The following CCSER1 variants were observed in gnomAD, a reference collection of about 807,000 sequenced individuals.
The protein encoded by CCSER1 is serine-rich coiled-coil domain-containing protein 1.
CCSER1 carries 41 observed loss-of-function variants against 82.0 expected under a neutral mutation model. That is an observed-to-expected ratio of 0.50 (90% CI 0.39 to 0.65). The LOEUF (loss-of-function observed/expected upper bound fraction) is 0.65. Ranked by LOEUF, CCSER1 falls within the 30% of genes least tolerant of loss-of-function variation. CCSER1 has a pLI of 0.00. For synonymous variants in CCSER1, 414 were observed against 383.9 expected (o/e 1.08, Z -0.92); for missense variants, 1,119 against 1,064.2 (o/e 1.05, Z -0.72).
intron 1 of CCSER1, among the ~76,000 whole-genome samples, chr4:90,131,169 TG>T (rs202165200): frequency 0.011 from 1,653 of 152,226 alleles, 37 homozygotes; most frequent in South Asian, 0.045. Flanking sequence ...AGCTAATTTT[TG>T]TATTTACTTT....
intron 10 of CCSER1, among the ~76,000 whole-genome samples, chr4:91,226,279 G>A (rs1362536283): frequency 6.6e-6 from 1 of 151,856 alleles, no homozygotes; most frequent in Non-Finnish European, 1.5e-5. Flanking sequence ...TAAAACATAT[G>A]GAAAGGTAGA....
chr4:90,932,980 A>AAGAAAGAGAGAGAGAGAGAGAGAG (rs1730218042), intron 9 of CCSER1, among the ~76,000 whole-genome samples: 1 of 21,940 alleles, frequency 4.6e-5, no homozygotes, highest in Non-Finnish European at 8.5e-5. Context: ...GAAAGAAAGA[A>AAGAAAGAGAGAGAGAGAGAGAGAG]AGAGAAAGAA....
intron 10 of CCSER1, among the ~76,000 whole-genome samples, chr4:91,266,939 A>T (rs1308427855): frequency 1.3e-5 from 2 of 152,138 alleles, no homozygotes; most frequent in African/African-American, 4.8e-5. Context: ...AATATTTTGC[A>T]TGCCTGATTC....
intron 1 of CCSER1, among the ~76,000 whole-genome samples, chr4:90,156,637 T>G (rs992688114): frequency 6.6e-5 from 10 of 152,212 alleles, no homozygotes; most frequent in Non-Finnish European, 1.5e-4. Context: ...ATGGCCTTCT[T>G]TATCTCTTTT....
intron 9 of CCSER1, among the ~76,000 whole-genome samples, chr4:90,974,411 T>C (rs1244749400): frequency 6.6e-6 from 1 of 151,030 alleles, no homozygotes; most frequent in Non-Finnish European, 1.5e-5. Context: ...GCAATTTTTA[T>C]TTTTTCAATT....
chr4:91,139,422 TA>T (rs1728812169), intron 10 of CCSER1, among the ~76,000 whole-genome samples: 1 of 152,108 alleles, frequency 6.6e-6, no homozygotes, highest in Non-Finnish European at 1.5e-5. Context: ...TCTCAATTTA[TA>T]AAAGAATCAT....
chr4:90,880,162 G>A (rs554964230), intron 8 of CCSER1, among the ~76,000 whole-genome samples: 1 of 152,210 alleles, frequency 6.6e-6, no homozygotes, highest in East Asian at 1.9e-4. Flanking sequence ...CTCCCATTGA[G>A]TGCTGGCTGT....
At chr4:90,284,379 A>T (rs1729450497) in intron 1 of CCSER1, among the ~76,000 whole-genome samples, 1 of 151,908 alleles carries the variant, frequency 6.6e-6, no homozygotes, top group African/African-American at 2.4e-5. Flanking sequence ...TGCTTTTGTG[A>T]TCTTACTCAA....
At chr4:90,698,731 A>C (rs1394751716) in intron 6 of CCSER1, among the ~76,000 whole-genome samples, 1 of 152,180 alleles carries the variant, frequency 6.6e-6, no homozygotes, top group African/African-American at 2.4e-5. Context: ...GACAATAGAC[A>C]GGTTAATAGG....
chr4:91,073,494 C>T (rs1369267809), intron 9 of CCSER1, among the ~76,000 whole-genome samples: 3 of 152,016 alleles, frequency 2.0e-5, no homozygotes, highest in Admixed American at 2.0e-4. Flanking sequence ...TGACACTCCT[C>T]GATATTATCA....
intron 10 of CCSER1, among the ~76,000 whole-genome samples, chr4:91,209,189 T>A (rs547757547): frequency 6.6e-6 from 1 of 152,100 alleles, no homozygotes; most frequent in African/African-American, 2.4e-5. Flanking sequence ...TTATTTCTCT[T>A]TGGGTGCCTT....
At chr4:90,405,549 G>A (rs998733342) in intron 4 of CCSER1, among the ~76,000 whole-genome samples, 17 of 152,126 alleles carry the variant, frequency 1.1e-4, no homozygotes, top group African/African-American at 3.6e-4. Flanking sequence ...CATGACCTAC[G>A]CACACAGTCA....
intron 6 of CCSER1, among the ~76,000 whole-genome samples, chr4:90,645,410 A>G (rs1727381950): frequency 6.6e-6 from 1 of 152,160 alleles, no homozygotes; most frequent in Non-Finnish European, 1.5e-5. Context: ...AAGCCAAACA[A>G]TTTTAATTCA....
chr4:90,322,747 C>G (rs760034617), intron 3 of CCSER1, among the ~76,000 whole-genome samples: 2 of 152,134 alleles, frequency 1.3e-5, no homozygotes, highest in Non-Finnish European at 2.9e-5. Context: ...GGCAAAGTCT[C>G]TTTTTCTCTT....
At chr4:90,437,029 GC>G (rs1759107605) in intron 4 of CCSER1, among the ~76,000 whole-genome samples, 1 of 151,948 alleles carries the variant, frequency 6.6e-6, no homozygotes, top group African/African-American at 2.4e-5. Flanking sequence ...CACCGTGTTA[GC>G]CAGGATGGTC....
rs572742998 is a variant in CCSER1, at chr4:91,473,686, G to A, written c.2218-124886G>A. Among the ~76,000 whole-genome samples, 4 of 152,190 alleles carry A rather than the reference G, an allele frequency of 2.6e-5. No individual in the cohort carries two copies. In the South Asian group the frequency reaches 8.3e-4, roughly 32 times the overall value. The stretch of plus-strand genomic sequence containing the variant: ...TGTGAGGAAAAATTAAAAGAGTGTT[G>A]AAGAGCCTAGCCCACACCTGGCATA... On this transcript the variant is annotated intron_variant, in intron 10 of 10. Coordinates refer to ENST00000509176, the MANE Select transcript of CCSER1 (RefSeq NM_001145065.2).
intron 9 of CCSER1, chr4:91,017,203 C>G (rs1235004946): frequency 6.6e-6 from 1 of 152,186 alleles, no homozygotes; most frequent in African/African-American, 2.4e-5. Context: ...AACTCTTCCC[C>G]TCCTTCTCCT....
Position 90,923,425 on chromosome 4 carries a change from A to G in CCSER1, c.2150A>G (p.Gln717Arg). ...AFASRVDKST[Q>R]TELLCYDGLN... ...GCTTCAAGAGTAGATAAATCCACAC[A>G]GACTGAACTACTATGCTATGATGTA... The change falls in exon 9 of 11, where the codon CAG (glutamine) becomes CGG (arginine). Residue 717 changes from glutamine to arginine, a missense_variant. Coordinates refer to ENST00000509176, the MANE Select transcript of CCSER1 (RefSeq NM_001145065.2). 6.4e-7 allele frequency: 1 copy of G among 1,551,216 alleles called. No individual in the cohort carries two copies. The highest frequency in any genetic ancestry group is 8.7e-7 in the Non-Finnish European group (1 of 1,146,580).
At chr4:90,787,997 C>G (rs1754742768) in intron 7 of CCSER1, among the ~76,000 whole-genome samples, 1 of 152,130 alleles carries the variant, frequency 6.6e-6, no homozygotes. Context: ...GCTTATGAAT[C>G]AAGTTGTGAC....
Sources: gnomAD v4.1 joint callset for allele counts (sites outside exome capture counted in the v4.1 genomes callset) on GRCh38, gnomAD v4.1.1 for gene constraint, MANE v1.5 for transcripts, NCBI Gene and HGNC (gene_info 2026-07-23, HGNC 2026-07-21) for gene names.